Variants in ZNF35 observed in about 807,000 individuals in gnomAD.
ZNF35 encodes the protein zinc finger protein 35 (clone HF.10).
Under a neutral mutation model 45.9 loss-of-function variants are expected in ZNF35, and 31 were observed. That is an observed-to-expected ratio of 0.68 (90% CI 0.51 to 0.91). The LOEUF (loss-of-function observed/expected upper bound fraction) is 0.91. ZNF35 is among the 40% of genes least tolerant of loss of function. The pLI is 0.00. For missense variants in ZNF35, 515 were observed against 625.4 expected (o/e 0.82, Z 1.88); for synonymous variants, 205 against 220.2 (o/e 0.93, Z 0.61).
chr3:44,659,050 A>G lies in ZNF35; in HGVS notation c.687A>G (p.Lys229=). 1 of 1,614,224 alleles carries G rather than the reference A, an allele frequency of 6.2e-7. No homozygotes were observed. Among genetic ancestry groups the G allele is most frequent in the Admixed American group, 1.7e-5 (1 of 60,026 alleles). ...CTTTTACGTGTAGCGTGTGTGGGAAAGGATTTAGTCAGAGTGCAAACCTCG... is the reference window on the plus strand; with the variant it reads ...CTTTTACGTGTAGCGTGTGTGGGAAGGGATTTAGTCAGAGTGCAAACCTCG... The part of the protein sequence containing the change: ...QKPFTCSVCG[K]GFSQSANLVV... The change falls in exon 4 of 4, where the codon AAA becomes AAG. Residue 229 remains lysine (K), a synonymous_variant. Coordinates refer to ENST00000396056, the MANE Select transcript of ZNF35 (RefSeq NM_003420.4). The surrounding 1 kb of genome is among the most constrained non-coding windows in gnomAD (Gnocchi z 4.3).
Position 44,648,763 on chromosome 3 carries a change from G to T in ZNF35, c.-199G>T, listed in dbSNP as rs1222948409. ...GGTCATTGTTCTCGTGCCGGTAGAA[G>T]CTGAAGTACCGGTCAGCCAGCCTCC... is the stretch of plus-strand genomic sequence containing the variant. On this transcript the variant is annotated 5_prime_UTR_variant, in exon 1 of 4. Transcript: ENST00000396056. 6.6e-6 allele frequency: 1 copy of T among 152,292 alleles called. No homozygotes were observed. The highest frequency in any genetic ancestry group is 6.5e-5 in the Admixed American group (1 of 15,286). 9.4% of individuals were successfully genotyped at this position (152,292 alleles called of 1,614,324 possible).
At position 44,650,982 on chromosome 3, in the gene ZNF35, A is replaced by C. The variant is rs1575513339; in HGVS notation, c.-86A>C. ...TGGCCCTGGGAAGAAACTCAAGAAG[A>C]AGCTTTTGAAACATAAAGCTTGGAT... On this transcript the variant is annotated 5_prime_UTR_variant, in exon 2 of 4. Coordinates refer to ENST00000396056, the MANE Select transcript of ZNF35 (RefSeq NM_003420.4). 8 of 1,351,806 alleles carry C rather than the reference A, an allele frequency of 5.9e-6. No individual in the cohort carries two copies. Among genetic ancestry groups the C allele is most frequent in the East Asian group, 2.4e-5 (1 of 41,980 alleles). The allele number at this position is 1,351,806 out of a possible 1,614,324, so 83.7% of individuals were successfully genotyped here.
intron 3 of ZNF35, among the ~76,000 whole-genome samples, chr3:44,656,433 CA>C (rs1165054918): frequency 5.9e-5 from 9 of 151,328 alleles, no homozygotes; most frequent in Non-Finnish European, 8.8e-5. Context: ...CTCTGCTGCC[CA>C]GGCTGGAGTG....
In ZNF35 at chr3:44,660,249, T is replaced by G. The variant is rs1703377981; in HGVS notation, c.*302T>G. 2 of 234,384 alleles carry G rather than the reference T, an allele frequency of 8.5e-6. No homozygotes were observed. The highest frequency in any genetic ancestry group is 1.6e-5 in the Non-Finnish European group (2 of 121,398). The allele number at this position is 234,384 out of a possible 1,614,324, so 14.5% of individuals were successfully genotyped here. A position where few individuals can be genotyped will look rare whatever the true frequency, so the allele number is the denominator to read the frequency against. On this transcript the variant is annotated 3_prime_UTR_variant, in exon 4 of 4. Transcript: ENST00000396056. ...AAAGCTAAGTGGTAATGATGCTATTTGGGGAAAGGTCTTTTTTGCTTAATT... is the reference window on the plus strand; with the variant it reads ...AAAGCTAAGTGGTAATGATGCTATTGGGGGAAAGGTCTTTTTTGCTTAATT...
chr3:44,648,665 C>T (rs1026753544), upstream of ZNF35: 3 of 152,180 alleles, frequency 2.0e-5, no homozygotes, highest in African/African-American at 7.2e-5. Context: ...GAGGAAAGCA[C>T]CTCCGAGGTT....
intron 1 of ZNF35, among the ~76,000 whole-genome samples, chr3:44,650,130 C>G (rs1316006070): frequency 6.6e-6 from 1 of 151,690 alleles, no homozygotes; most frequent in Non-Finnish European, 1.5e-5. Flanking sequence ...CTATATATTT[C>G]TGTATTACTT....
intron 3 of ZNF35, among the ~76,000 whole-genome samples, chr3:44,653,370 C>T (rs569747084): frequency 6.6e-6 from 1 of 152,252 alleles, no homozygotes; most frequent in Non-Finnish European, 1.5e-5. Context: ...TAAGTTGTTG[C>T]CATCAGGTGT....
At position 44,659,124 on chromosome 3, in the gene ZNF35, A is replaced by G. The variant is rs1476548316; in HGVS notation, c.761A>G (p.Glu254Gly). 6.2e-7 allele frequency: 1 copy of G among 1,614,146 alleles called. No individual in the cohort carries two copies. The highest frequency in any genetic ancestry group is 1.1e-5 in the South Asian group (1 of 91,080). ...GGAGAGAAACCCTTTGAATGTCATGAGTGTGGGAAGGCCTTCATTCAGAGT... is the reference window on the plus strand; with the variant it reads ...GGAGAGAAACCCTTTGAATGTCATGGGTGTGGGAAGGCCTTCATTCAGAGT... ...HTGEKPFECH[E>G]CGKAFIQSAN... is the part of the protein sequence containing the mutation. The change falls in exon 4 of 4, where the codon GAG (glutamate) becomes GGG (glycine). Residue 254 changes from glutamate (E) to glycine (G), a missense_variant. Around this residue, in one of 3 missense-constraint regions of ZNF35, gnomAD observed 275 missense variants for 295.7 expected, o/e 0.93. Coordinates refer to ENST00000396056, the MANE Select transcript of ZNF35 (RefSeq NM_003420.4). The surrounding 1 kb of genome is among the most constrained non-coding windows in gnomAD (Gnocchi z 4.3).
At chr3:44,652,442 TA>T in intron 2 of ZNF35, 114 bp from the exon 3 acceptor site, 2 of 1,177,486 alleles carry the variant, frequency 1.7e-6, no homozygotes, top group South Asian at 2.2e-5. Context: ...TTTCTGTTTT[TA>T]AAAATTGTTC....
chr3:44,651,285 G>A (rs1461189545), intron 2 of ZNF35, 26 bp downstream of exon 2: 4 of 1,602,818 alleles, frequency 2.5e-6, no homozygotes, highest in South Asian at 2.2e-5. Context: ...AGAGGAAGAG[G>A]GGAGGAGATA....
At position 44,659,935 on chromosome 3, in the gene ZNF35, T is replaced by C. The variant is rs571311886; in HGVS notation, c.1572T>C (p.His524=). The C allele has an allele frequency of 1.3e-6, 2 of 1,542,664 alleles. No individual in the cohort carries two copies. Among genetic ancestry groups the C allele is most frequent in the Non-Finnish European group, 1.7e-6 (2 of 1,144,968 alleles). ...NSHLMRHHRT[H]LVE ...ACCTCATGCGACACCATAGAACCCA[T>C]CTTGTTGAATAACAAGTAAGGAAGA... Residue 524 remains histidine (H), a synonymous_variant, in exon 4 of 4, where the codon CAT becomes CAC. Transcript: ENST00000396056. This position sits in a 1 kb window ranked among gnomAD's most constrained non-coding sequence, Gnocchi z 4.3.
intron 3 of ZNF35, among the ~76,000 whole-genome samples, chr3:44,655,174 C>T (rs1703277518): frequency 6.6e-6 from 1 of 152,112 alleles, no homozygotes; most frequent in Admixed American, 6.5e-5. Flanking sequence ...TTTAATTCTA[C>T]CTGCTTATCA....
At chr3:44,647,343 T>C (rs1245562021), upstream of ZNF35, 2 of 152,084 alleles carry the variant, frequency 1.3e-5, no homozygotes, top group African/African-American at 2.4e-5. Context: ...CAGGATCTCA[T>C]ACATTGCTGG....
intron 3 of ZNF35, among the ~76,000 whole-genome samples, chr3:44,656,364 A>G (rs1488851178): frequency 6.6e-6 from 1 of 151,756 alleles, no homozygotes; most frequent in African/African-American, 2.4e-5. Flanking sequence ...GTAGGAATAG[A>G]AATAACCAGA....
In ZNF35 at chr3:44,659,218, A is replaced by G; in HGVS notation, c.855A>G (p.Lys285=). 1 of 1,614,240 alleles carries G rather than the reference A, an allele frequency of 6.2e-7. No individual in the cohort carries two copies. The highest frequency in any genetic ancestry group is 1.1e-5 in the South Asian group (1 of 91,086). Residue 285 remains lysine, a synonymous_variant, in exon 4 of 4, where the codon AAA becomes AAG. Transcript: ENST00000396056. This position sits in a 1 kb window ranked among gnomAD's most constrained non-coding sequence, Gnocchi z 4.3. The stretch of plus-strand genomic sequence containing the variant: ...CTTATGTTTGCTCAAAATGTGGGAA[A>G]GCCTTCACTCAGAGTTCAAATCTGA... ...QKPYVCSKCG[K]AFTQSSNLTV...
chr3:44,648,159 G>A (rs140113138), upstream of ZNF35: 18 of 152,306 alleles, frequency 1.2e-4, no homozygotes, highest in African/African-American at 4.3e-4. Flanking sequence ...TTTTAGGACA[G>A]TTGGGAAATT....
chr3:44,646,979 A>C (rs185719838), upstream of ZNF35: 1 of 153,000 alleles, frequency 6.5e-6, no homozygotes, highest in East Asian at 1.9e-4. Context: ...GAAGGAAAAA[A>C]AATGTTAAAT....
At position 44,652,817 on chromosome 3, in the gene ZNF35, G is replaced by A. The variant is rs373652539; in HGVS notation, c.337+116G>A. ...CCAACAGAGTACTGAGGTATTGAAAGTGTCCAGGAAAGCTGGAAAGAGGAA... is the reference window on the plus strand; with the variant it reads ...CCAACAGAGTACTGAGGTATTGAAAATGTCCAGGAAAGCTGGAAAGAGGAA... On this transcript the variant is annotated intron_variant, in intron 3 of 3. Coordinates refer to ENST00000396056, the MANE Select transcript of ZNF35 (RefSeq NM_003420.4). The A allele has an allele frequency of 4.4e-6, 5 of 1,129,790 alleles. No homozygotes were observed. The African/African-American group carries it at 8.0e-5, about 18-fold the overall frequency. 70.0% of individuals were successfully genotyped at this position (1,129,790 alleles called of 1,614,324 possible).
intron 3 of ZNF35, among the ~76,000 whole-genome samples, chr3:44,653,602 T>C (rs1217883189): frequency 6.6e-6 from 1 of 152,202 alleles, no homozygotes; most frequent in East Asian, 1.9e-4. Context: ...TCATAGATCT[T>C]TGTGCAAATT....
Sources: gnomAD v4.1 joint callset for allele counts (sites outside exome capture counted in the v4.1 genomes callset) on GRCh38, gnomAD v4.1.1 for gene constraint, gnomAD v4.1.1 regional missense constraint, Gnocchi (gnomAD v3.1) non-coding constraint, MANE v1.5 for transcripts, NCBI Gene and HGNC (gene_info 2026-07-23, HGNC 2026-07-21) for gene names.